Variants in CHST9 observed in about 807,000 individuals in gnomAD.
The protein encoded by CHST9 is GalNAc-4-sulfotransferase 2.
Under a neutral mutation model 44.4 loss-of-function variants are expected in CHST9, and 41 were observed. The ratio of observed to expected loss-of-function variants is 0.92; its 90% CI spans 0.72 to 1.20. The LOEUF (loss-of-function observed/expected upper bound fraction) is 1.20, where lower values mean the gene tolerates loss of function less well. CHST9 is among the 50% of genes most tolerant of loss of function. The pLI is 0.00. For synonymous variants in CHST9, 171 were observed against 178.4 expected (o/e 0.96, Z 0.33); for missense variants, 504 against 516.5 (o/e 0.98, Z 0.23).
At chr18:27,099,104 A>G (rs976892771) in intron 2 of CHST9, among the ~76,000 whole-genome samples, 5 of 152,206 alleles carry the variant, frequency 3.3e-5, no homozygotes, top group African/African-American at 9.6e-5. Flanking sequence ...CTCTCTATTC[A>G]ATAAATGGTG....
intron 2 of CHST9, among the ~76,000 whole-genome samples, chr18:27,105,453 G>A (rs1225800517): frequency 1.3e-5 from 2 of 152,152 alleles, no homozygotes; most frequent in South Asian, 2.1e-4. Flanking sequence ...AGAGAGAAAG[G>A]AGGATGATCT....
At position 27,064,603 on chromosome 18, in the gene CHST9, C is replaced by T. The variant is rs556536599; in HGVS notation, c.122-16100G>A. On this transcript the variant is annotated intron_variant, in intron 2 of 5. Transcript: ENST00000618847. ...GTGGGTGCATTTTTCCATTTAAAAA[C>T]ATTTGACAGAATTCCATATGACAAC... Among the ~76,000 whole-genome samples, 54 of 152,314 alleles carry T rather than the reference C, an allele frequency of 3.5e-4. No individual in the cohort carries two copies. In the South Asian group the frequency reaches 8.1e-3, roughly 23 times the overall value.
rs138121431 is a variant in CHST9, at chr18:27,035,983, G to A, written c.161-11826C>T. The stretch of plus-strand genomic sequence containing the variant: ...TATGCAAATATCAAAACATCAAATT[G>A]TACACCTTAGATATATATAATTTTG... On this transcript the variant is annotated intron_variant, in intron 3 of 5. Transcript: ENST00000618847. 8.9e-4 allele frequency among the ~76,000 whole-genome samples: 136 copies of A among 152,114 alleles called. 2 individuals carry two copies. The East Asian group carries it at 0.023, about 25-fold the overall frequency.
chr18:26,969,802 A>G (rs2056518470), intron 4 of CHST9, among the ~76,000 whole-genome samples: 1 of 152,198 alleles, frequency 6.6e-6, no homozygotes, highest in South Asian at 2.1e-4. Context: ...CGTAGCCTTA[A>G]GTTAAGCTTC....
At chr18:27,156,005 A>T (rs1243039937) in intron 1 of CHST9, among the ~76,000 whole-genome samples, 1 of 152,150 alleles carries the variant, frequency 6.6e-6, no homozygotes, top group Non-Finnish European at 1.5e-5. Context: ...ATCATGAAGT[A>T]GGAAACATAT....
intron 3 of CHST9, among the ~76,000 whole-genome samples, chr18:27,045,607 C>A (rs1343755707): frequency 6.6e-6 from 1 of 151,938 alleles, no homozygotes; most frequent in Non-Finnish European, 1.5e-5. Flanking sequence ...TTATAATATT[C>A]TTTACCAAGC....
At chr18:26,995,186 G>A (rs2056870850) in intron 4 of CHST9, among the ~76,000 whole-genome samples, 1 of 150,184 alleles carries the variant, frequency 6.7e-6, no homozygotes, top group African/African-American at 2.5e-5. Context: ...CACTTTGGGA[G>A]TCCAAGGTGG....
At chr18:27,098,668 T>C (rs1030690815) in intron 2 of CHST9, among the ~76,000 whole-genome samples, 1 of 152,138 alleles carries the variant, frequency 6.6e-6, no homozygotes, top group African/African-American at 2.4e-5. Flanking sequence ...TGGATGAAGC[T>C]AGAAGCCATC....
intron 4 of CHST9, among the ~76,000 whole-genome samples, chr18:26,944,978 T>A (rs928840697): frequency 6.6e-6 from 1 of 152,228 alleles, no homozygotes; most frequent in South Asian, 2.1e-4. Flanking sequence ...AAAATAAGGA[T>A]TCTAATATAA....
chr18:27,141,375 AAAC>A (rs1278389291), intron 2 of CHST9, among the ~76,000 whole-genome samples: 2 of 151,252 alleles, frequency 1.3e-5, no homozygotes, highest in Non-Finnish European at 2.9e-5. Context: ...AAAAACAAAC[AAAC>A]AACAACAAAA....
At chr18:27,049,850 G>A (rs928322727) in intron 2 of CHST9, among the ~76,000 whole-genome samples, 1 of 152,142 alleles carries the variant, frequency 6.6e-6, no homozygotes, top group Non-Finnish European at 1.5e-5. Context: ...AGTGAATGGG[G>A]CATAAAGGCA....
intron 2 of CHST9, among the ~76,000 whole-genome samples, chr18:27,121,380 T>TCC (rs1175242371): frequency 6.6e-6 from 1 of 151,918 alleles, no homozygotes; most frequent in Non-Finnish European, 1.5e-5. Context: ...CTGCCCCTAC[T>TCC]CCCCCTCCCT....
chr18:27,029,195 A>C (rs2057314822), intron 3 of CHST9, among the ~76,000 whole-genome samples: 1 of 152,212 alleles, frequency 6.6e-6, no homozygotes, highest in Admixed American at 6.5e-5. Context: ...CAAAGTGATT[A>C]AATAGTTTTA....
At chr18:26,960,939 A>G (rs1598596595) in intron 4 of CHST9, among the ~76,000 whole-genome samples, 1 of 152,346 alleles carries the variant, frequency 6.6e-6, no homozygotes, top group East Asian at 1.9e-4. Context: ...TTACTTGTGT[A>G]CAATGTTTAG....
intron 3 of CHST9, among the ~76,000 whole-genome samples, chr18:27,030,675 C>T (rs535723031): frequency 1.3e-3 from 203 of 152,232 alleles, no homozygotes; most frequent in African/African-American, 4.7e-3. Context: ...TTAGAGCACG[C>T]TTTGTGTAAA....
intron 2 of CHST9, among the ~76,000 whole-genome samples, chr18:27,092,645 G>A (rs2058080338): frequency 6.6e-6 from 1 of 152,094 alleles, no homozygotes; most frequent in South Asian, 2.1e-4. Context: ...GGTATGTTGT[G>A]TCTTTGTTCT....
intron 3 of CHST9, among the ~76,000 whole-genome samples, chr18:27,047,405 T>C (rs185150225): frequency 6.6e-6 from 1 of 151,696 alleles, no homozygotes; most frequent in East Asian, 1.9e-4. Context: ...TGTGTGTGTG[T>C]GTGTGTGTGT....
intron 2 of CHST9, among the ~76,000 whole-genome samples, chr18:27,077,262 C>T (rs1042761191): frequency 2.6e-5 from 4 of 152,124 alleles, no homozygotes; most frequent in Non-Finnish European, 5.9e-5. Context: ...AAATGAAAAT[C>T]AAGGAAAATT....
chr18:26,988,033 T>C (rs1056047716), intron 4 of CHST9, among the ~76,000 whole-genome samples: 6 of 152,060 alleles, frequency 3.9e-5, no homozygotes, highest in African/African-American at 1.4e-4. Flanking sequence ...CTAAAGTTAA[T>C]GATGCATATC....
Sources: allele counts gnomAD v4.1 joint callset (sites outside exome capture counted in the v4.1 genomes callset), GRCh38; gene constraint gnomAD v4.1.1; transcripts MANE v1.5; gene names NCBI Gene and HGNC (gene_info 2026-07-23, HGNC 2026-07-21).